CPT1C: variants seen among roughly 807,000 people sequenced by gnomAD.
CPT1C encodes carnitine palmitoyltransferase 1C, also known as palmitoyl thioesterase CPT1C.
In CPT1C, 61 loss-of-function variants were observed where a neutral mutation model predicts 97.3. The ratio of observed to expected loss-of-function variants is 0.63; its 90% confidence interval spans 0.51 to 0.78. The LOEUF is 0.78. Among genes scored for constraint, CPT1C ranks in the 30% least tolerant of loss-of-function variants. The pLI is 0.00. For synonymous variants in CPT1C, 469 were observed against 447.2 expected, an observed-to-expected ratio of 1.05 and a Z score of -0.61; for missense variants, 975 against 1,065.5, an observed-to-expected ratio of 0.92 and a Z score of 1.18.
At chr19:49,692,075 G>C in intron 2 of CPT1C, 164 bp from the exon 3 acceptor site, 2 of 609,352 alleles carry the variant, frequency 3.3e-6, no homozygotes, top group Non-Finnish European at 5.5e-6. Context: ...GGGCTTCTGG[G>C]TCTGAGGGAG....
At position 49,706,378 on chromosome 19, in the gene CPT1C, C is replaced by T. The variant is rs138872867; in HGVS notation, c.1308C>T (p.Tyr436=). 1.8e-4 allele frequency: 270 copies of T among 1,507,210 alleles called. No homozygotes were observed. The highest frequency in any genetic ancestry group is 7.0e-4 in the South Asian group (53 of 76,128). The allele number at this position is 1,507,210 out of a possible 1,614,324, so 93.4% of individuals were successfully genotyped here. Residue 436 remains tyrosine, a synonymous_variant, in exon 12 of 20, where the codon TAC becomes TAT. Coordinates refer to ENST00000598293, the MANE Select transcript of CPT1C (RefSeq NM_001199753.2). This position sits in a 1 kb window ranked among gnomAD's most constrained non-coding sequence, Gnocchi z 4.8. The part of the protein sequence containing the change: ...REDPAASLDA[Y]AHALLAGRGH... The stretch of plus-strand genomic sequence containing the variant: ...ACCCGGCAGCGTCGTTGGATGCCTA[C>T]GCCCATGCTCTGCTGGCCGGCCGGG...
chr19:49,709,804 C>T (rs2083738074), intron 14 of CPT1C, among the ~76,000 whole-genome samples: 1 of 151,766 alleles, frequency 6.6e-6, no homozygotes, highest in Non-Finnish European at 1.5e-5. Context: ...GATCCAGCCA[C>T]CTCAGTCTCC....
chr19:49,712,462 G>T (rs927914190), intron 17 of CPT1C: 1 of 479,200 alleles, frequency 2.1e-6, no homozygotes, highest in Non-Finnish European at 3.8e-6. Flanking sequence ...GCAGACAAAA[G>T]GGGAGAGGGT....
chr19:49,698,603 C>T lies in CPT1C; in HGVS notation c.281+1138C>T, dbSNP rs1291587387. On this transcript the variant is annotated intron_variant, in intron 4 of 19. Coordinates refer to ENST00000598293, the MANE Select transcript of CPT1C (RefSeq NM_001199753.2). Reference sequence around the variant, plus strand: ...ACTTGAACCCGGGAGGCGGAGGTTGCGGTGAGTCGAAATTGTGCCACTGCA... The same window carrying T: ...ACTTGAACCCGGGAGGCGGAGGTTGTGGTGAGTCGAAATTGTGCCACTGCA... 4.0e-5 allele frequency among the ~76,000 whole-genome samples: 6 copies of T among 150,728 alleles called. No individual in the cohort carries two copies. The East Asian group carries it at 5.9e-4, about 15-fold the overall frequency.
chr19:49,697,483 C>T lies in CPT1C; in HGVS notation c.281+18C>T. The T allele has an allele frequency of 1.2e-6, 2 of 1,611,456 alleles. No homozygotes were observed. Among genetic ancestry groups the T allele is most frequent in the Non-Finnish European group, 1.7e-6 (2 of 1,178,274 alleles). ...CCTGACTGGTGAGGTCCCCCCACTC[C>T]AGCCCAGTAACCCCCAATCACTCTC... is the stretch of plus-strand genomic sequence containing the variant. On this transcript the variant is annotated intron_variant, in intron 4 of 19. Coordinates refer to ENST00000598293, the MANE Select transcript of CPT1C (RefSeq NM_001199753.2).
chr19:49,712,742 T>A lies in CPT1C; in HGVS notation c.2026T>A (p.Ser676Thr). Residue 676 changes from serine to threonine, a missense_variant, in exon 18 of 20, where the codon TCG becomes ACG. Physicochemically the swap from Ser to Thr is moderately conservative, Grantham distance 58. Transcript: ENST00000598293. Reference sequence around the variant, plus strand: ...GATGGGCTCCTGTCCTCAGGTCCATTCGGAGCAGTGGCAGCTGTCCACCAG... The same window carrying A: ...GATGGGCTCCTGTCCTCAGGTCCATACGGAGCAGTGGCAGCTGTCCACCAG... The part of the protein sequence containing the change: ...LQSPFLTQVH[S>T]EQWQLSTSQI... 1 of 1,613,368 alleles carries A rather than the reference T, an allele frequency of 6.2e-7. No homozygotes were observed. Among genetic ancestry groups the A allele is most frequent in the East Asian group, 2.2e-5 (1 of 44,880 alleles).
intron 4 of CPT1C, among the ~76,000 whole-genome samples, chr19:49,698,535 C>CTT (rs2082802653): frequency 6.7e-6 from 1 of 150,370 alleles, no homozygotes; most frequent in Non-Finnish European, 1.5e-5. Context: ...TGGTGGTGCG[C>CTT]GCCTGTAGTC....
Position 49,703,518 on chromosome 19 carries a change from CTCTA to C in CPT1C, c.694-1188_694-1185del, listed in dbSNP as rs376493401. 2.1e-3 allele frequency among the ~76,000 whole-genome samples: 313 copies of C among 149,364 alleles called. 1 individual carries two copies. The highest frequency in any genetic ancestry group is 6.1e-3 in the African/African-American group (246 of 40,604). On this transcript the variant is annotated intron_variant, in intron 7 of 19. Coordinates refer to ENST00000598293, the MANE Select transcript of CPT1C (RefSeq NM_001199753.2). Reference sequence around the variant, plus strand: ...GCCCGGCCTCTTTCTTTCTTTCTTTCTCTATCTTTCTCTCTCTCCCCCTCCCTCC... The same window carrying C: ...GCCCGGCCTCTTTCTTTCTTTCTTTCTCTTTCTCTCTCTCCCCCTCCCTCC...
chr19:49,698,878 G>A (rs2123214425), intron 4 of CPT1C, among the ~76,000 whole-genome samples: 1 of 150,874 alleles, frequency 6.6e-6, no homozygotes, highest in East Asian at 2.0e-4. Flanking sequence ...TGAGGCGGGT[G>A]GATCACCTGA....
In CPT1C at chr19:49,705,913, C is replaced by T. The variant is rs145579693; in HGVS notation, c.969C>T (p.Tyr323=). 206 of 1,612,896 alleles carry T rather than the reference C, an allele frequency of 1.3e-4. No individual in the cohort carries two copies. Among genetic ancestry groups the T allele is most frequent in the Non-Finnish European group, 1.6e-4 (186 of 1,179,396 alleles). Residue 323 remains tyrosine (Y), a synonymous_variant, in exon 11 of 20, where the codon TAC becomes TAT. Transcript: ENST00000598293. The part of the protein sequence containing the change: ...TTRIPGVQKD[Y]IRHLHDSQHV... ...TTCTGCCAACGCCACCCCTAGACTACATCCGCCACCTCCATGACAGCCAAC... is the reference window on the plus strand; with the variant it reads ...TTCTGCCAACGCCACCCCTAGACTATATCCGCCACCTCCATGACAGCCAAC...
intron 14 of CPT1C, 123 bp downstream of exon 14, chr19:49,708,962 C>G (rs1206682912): frequency 3.9e-5 from 25 of 640,512 alleles, no homozygotes; most frequent in Non-Finnish European, 6.5e-5. Flanking sequence ...ACCCGAAACC[C>G]ATGCTTCCCC....
Position 49,710,456 on chromosome 19 carries a change from A to G in CPT1C, c.1703A>G (p.Gln568Arg). 1 of 1,614,192 alleles carries G rather than the reference A, an allele frequency of 6.2e-7. No individual in the cohort carries two copies. The highest frequency in any genetic ancestry group is 8.5e-7 in the Non-Finnish European group (1 of 1,180,028). ...CACCTCTCTTCAGACAGCTTCATCC[A>G]GATCGCCTTGCAACTGGCCCACTTC... ...RCHLSSDSFIQIALQLAHFRD... is the reference protein window; with the variant it reads ...RCHLSSDSFIRIALQLAHFRD... Residue 568 changes from glutamine to arginine, a missense_variant, in exon 15 of 20, where the codon CAG (glutamine) becomes CGG (arginine). By Grantham distance (43) the Gln-to-Arg change is conservative. This residue lies in a region of CPT1C where 344 missense variants were observed against 395.7 expected (regional missense o/e 0.87). Transcript: ENST00000598293.
intron 3 of CPT1C, 88 bp from the exon 4 acceptor site, chr19:49,697,238 G>T (rs999875794): frequency 1.9e-6 from 3 of 1,553,612 alleles, no homozygotes; most frequent in Non-Finnish European, 2.7e-6. Context: ...GCTCCGCACT[G>T]GGTGCTCAGT....
intron 19 of CPT1C, 137 bp from the exon 20 acceptor site, chr19:49,713,283 C>T (rs1047082380): frequency 2.3e-5 from 20 of 858,972 alleles, no homozygotes; most frequent in Non-Finnish European, 3.2e-5. Flanking sequence ...CCAGCCCCTC[C>T]TCCCTCAGAC....
intron 3 of CPT1C, 21 bp from the exon 4 acceptor site, chr19:49,697,305 G>A (rs577850912): frequency 9.3e-6 from 15 of 1,613,492 alleles, no homozygotes; most frequent in South Asian, 8.8e-5. Context: ...TGATTCAATG[G>A]ATGCCCTTTC....
At position 49,712,844 on chromosome 19, in the gene CPT1C, G is replaced by T; in HGVS notation, c.2128G>T (p.Gly710Trp). 2.0e-6 allele frequency: 3 copies of T among 1,529,934 alleles called. No homozygotes were observed. In the South Asian group the frequency reaches 3.4e-5, roughly 17 times the overall value. The allele number at this position is 1,529,934 out of a possible 1,614,324, so 94.8% of individuals were successfully genotyped here. A position where few individuals can be genotyped will look rare whatever the true frequency, so the allele number is the denominator to read the frequency against. Residue 710 changes from glycine to tryptophan, a missense_variant, in exon 18 of 20, where the codon GGG (glycine) becomes TGG (tryptophan). Around this residue, in one of 3 missense-constraint regions of CPT1C, gnomAD observed 344 missense variants for 395.7 expected, o/e 0.87. Transcript: ENST00000598293. ...CTATGTTTCCTCAGGCGGTGGATTC[G>T]GGCCTGTGAGTGGAGCTGGGCGCGC... ...PDYVSSGGGF[G>W]PADDHGYGVS...
At chr19:49,713,102 C>G in intron 19 of CPT1C, 38 bp downstream of exon 19, 1 of 1,554,136 alleles carries the variant, frequency 6.4e-7, no homozygotes, top group East Asian at 2.2e-5. Context: ...TCCCTCTTTC[C>G]TCAGGAACCA....
intron 10 of CPT1C, 92 bp downstream of exon 10, chr19:49,705,390 C>G (rs557648163): frequency 5.1e-5 from 55 of 1,087,392 alleles, no homozygotes; most frequent in Non-Finnish European, 6.4e-5. Context: ...AGCTGGGAAC[C>G]ATTGCTTCCT....
At position 49,706,231 on chromosome 19, in the gene CPT1C, G is replaced by T; in HGVS notation, c.1161G>T (p.Arg387Ser). 1 of 1,533,258 alleles carries T rather than the reference G, an allele frequency of 6.5e-7. No individual in the cohort carries two copies. The highest frequency in any genetic ancestry group is 8.8e-7 in the Non-Finnish European group (1 of 1,142,102). The allele number at this position is 1,533,258 out of a possible 1,614,324, so 95.0% of individuals were successfully genotyped here. A position where few individuals can be genotyped will look rare whatever the true frequency, so the allele number is the denominator to read the frequency against. Residue 387 changes from arginine to serine, a missense_variant and splice_region_variant, in exon 12 of 20, where the codon AGG becomes AGT. By Grantham distance (110) the Arg-to-Ser change is moderately radical. This residue lies in a region of CPT1C where 596 missense variants were observed against 603.1 expected (regional missense o/e 0.99). Transcript: ENST00000598293. This position sits in a 1 kb window ranked among gnomAD's most constrained non-coding sequence, Gnocchi z 4.8. ...EHLAALTAAP[R>S]GTWAQVRTSL... ...CTCAGGCACATCCCGGGCCCTCCAG[G>T]GGCACGTGGGCCCAGGTGCGGACAT...
Sources: allele counts gnomAD v4.1 joint callset (sites outside exome capture counted in the v4.1 genomes callset), GRCh38; gene constraint gnomAD v4.1.1; regional missense constraint gnomAD v4.1.1; non-coding constraint Gnocchi (gnomAD v3.1); transcripts MANE v1.5; gene names NCBI Gene and HGNC (gene_info 2026-07-23, HGNC 2026-07-21).